EEF1D: variants seen among roughly 807,000 people sequenced by gnomAD.
EEF1D encodes the protein elongation factor 1-delta.
Under a neutral mutation model 63.9 loss-of-function variants are expected in EEF1D, and 47 were observed. The observed-to-expected ratio is 0.74, with a 90% confidence interval of 0.58 to 0.94. The LOEUF is 0.94. EEF1D is among the 40% of genes least tolerant of loss of function. The pLI is 0.00. For synonymous variants in EEF1D, 412 were observed against 386.1 expected (o/e 1.07, Z -0.79); for missense variants, 907 against 899.0 (o/e 1.01, Z -0.11).
At position 143,589,436 on chromosome 8, in the gene EEF1D, C is replaced by G. The variant is rs1334386550; in HGVS notation, c.646G>C (p.Val216Leu). 6.5e-7 allele frequency: 1 copy of G among 1,529,512 alleles called. No homozygotes were observed. Among genetic ancestry groups the G allele is most frequent in the South Asian group, 1.2e-5 (1 of 81,430 alleles). 94.7% of individuals were successfully genotyped at this position (1,529,512 alleles called of 1,614,324 possible). A position where few individuals can be genotyped will look rare whatever the true frequency, so the allele number is the denominator to read the frequency against. The change falls in exon 3 of 10, where the codon GTC becomes CTC. Residue 216 changes from valine (V) to leucine (L), a missense_variant. By Grantham distance (32) the Val-to-Leu change is conservative. Coordinates refer to ENST00000618139, the MANE Select transcript of EEF1D (RefSeq NM_001130053.5). ...CTGCCCAGCGGGGGCTGGCCATTGA[C>G]CGGTGGGCTGGGCTGGTGGGCCAGG... ...PDLAHQPSPP[V>L]NGQPPLGSLQ...
chr8:143,596,391 G>C (rs1245231797), intron 1 of EEF1D: 2 of 152,334 alleles, frequency 1.3e-5, no homozygotes, highest in Non-Finnish European at 2.9e-5. Context: ...TTCCACACCT[G>C]CCCAGCCCCT....
chr8:143,590,197 C>G (rs1182629004), intron 2 of EEF1D, 116 bp from the exon 3 acceptor site: 1 of 1,209,180 alleles, frequency 8.3e-7, no homozygotes, highest in Non-Finnish European at 1.1e-6. Flanking sequence ...CCTCCCTGGG[C>G]AGGGGCTGAG....
chr8:143,593,488 C>T (rs1276757055), intron 1 of EEF1D, among the ~76,000 whole-genome samples: 1 of 152,212 alleles, frequency 6.6e-6, no homozygotes, highest in Non-Finnish European at 1.5e-5. Context: ...AACCCGAGAG[C>T]CCTGGCTGGG....
At position 143,580,225 on chromosome 8, in the gene EEF1D, A is replaced by C. The variant is rs1299750708; in HGVS notation, c.1711-19T>G. On this transcript the variant is annotated intron_variant, in intron 8 of 9. Coordinates refer to ENST00000618139, the MANE Select transcript of EEF1D (RefSeq NM_001130053.5). ...CATCCCACTGTGGGGAAAGGGGAGGAAAAGCTGGGGTCAGCCACCCTCAGA... is the reference window on the plus strand; with the variant it reads ...CATCCCACTGTGGGGAAAGGGGAGGCAAAGCTGGGGTCAGCCACCCTCAGA... 6.2e-7 allele frequency: 1 copy of C among 1,608,544 alleles called. No individual in the cohort carries two copies. Among genetic ancestry groups the C allele is most frequent in the Non-Finnish European group, 8.5e-7 (1 of 1,176,724 alleles).
chr8:143,579,879 C>G, intron 9 of EEF1D, 49 bp from the exon 10 acceptor site: 1 of 1,537,720 alleles, frequency 6.5e-7, no homozygotes. Context: ...CTACAGCCCA[C>G]TCGGAGCCAG....
Position 143,589,751 on chromosome 8 carries a change from C to T in EEF1D, c.331G>A (p.Val111Met), listed in dbSNP as rs774793383. The change falls in exon 3 of 10, where the codon GTG (valine) becomes ATG (methionine). Residue 111 changes from valine to methionine, a missense_variant. Physicochemically the swap from Val to Met is conservative, Grantham distance 21. Transcript: ENST00000618139. The part of the protein sequence containing the change: ...LALLGLSAER[V>M]WLDKSLFDQA... Reference sequence around the variant, plus strand: ...TCGAAAAGTGACTTGTCCAGCCACACGCGTTCGGCCGAGAGGCCCAGGAGG... The same window carrying T: ...TCGAAAAGTGACTTGTCCAGCCACATGCGTTCGGCCGAGAGGCCCAGGAGG... The T allele has an allele frequency of 3.9e-6, 6 of 1,532,332 alleles. No homozygotes were observed. The highest frequency in any genetic ancestry group is 1.4e-5 in the African/African-American group (1 of 72,090). The allele number at this position is 1,532,332 out of a possible 1,614,324, so 94.9% of individuals were successfully genotyped here.
chr8:143,591,638 G>C (rs1269901185), intron 2 of EEF1D, among the ~76,000 whole-genome samples: 1 of 152,248 alleles, frequency 6.6e-6, no homozygotes, highest in Non-Finnish European at 1.5e-5. Flanking sequence ...TGCTGCCTCC[G>C]CAGGTGTGTC....
At position 143,589,299 on chromosome 8, in the gene EEF1D, C is replaced by A. The variant is rs1215086033; in HGVS notation, c.783G>T (p.Leu261=). ...CCTCGGCCAGGCCGGCTCGCTCTTG[C>A]AGGCGCACCTTCCCTGGGGGATGGC... ...FDGHPPGKVR[L]QERAGLAEGA... is the part of the protein sequence containing the mutation. Residue 261 remains leucine, a synonymous_variant, in exon 3 of 10, where the codon CTG becomes CTT. Transcript: ENST00000618139. 13 of 1,587,336 alleles carry A rather than the reference C, an allele frequency of 8.2e-6. No homozygotes were observed. Among genetic ancestry groups the A allele is most frequent in the Non-Finnish European group, 1.1e-5 (13 of 1,166,396 alleles).
Position 143,589,801 on chromosome 8 carries a change from C to T in EEF1D, c.281G>A (p.Ser94Asn), listed in dbSNP as rs1223633377. 7 of 1,596,622 alleles carry T rather than the reference C, an allele frequency of 4.4e-6. No homozygotes were observed. Residue 94 changes from serine (S) to asparagine (N), a missense_variant, in exon 3 of 10, where the codon AGC becomes AAC. Coordinates refer to ENST00000618139, the MANE Select transcript of EEF1D (RefSeq NM_001130053.5). ...LQKKRKRSPKSGLGPADLALL... is the reference protein window; with the variant it reads ...LQKKRKRSPKNGLGPADLALL... ...GGCCAGGTCCGCGGGGCCGAGCCCG[C>T]TCTTGGGGGAGCGCTTCCTCTTTTT... is the stretch of plus-strand genomic sequence containing the variant.
chr8:143,593,929 G>A (rs974547277), intron 1 of EEF1D: 29 of 985,278 alleles, frequency 2.9e-5, no homozygotes, highest in Non-Finnish European at 3.5e-5. Flanking sequence ...GAGCTTCAAA[G>A]CTTGCGCAGA....
chr8:143,581,198 A>T, intron 6 of EEF1D, 31 bp downstream of exon 6: 1 of 1,612,586 alleles, frequency 6.2e-7, no homozygotes, highest in South Asian at 1.1e-5. Context: ...GGGGCCAGGG[A>T]CAGCCCCAAC....
At chr8:143,581,412 G>A (rs1350772818) in intron 5 of EEF1D, 84 bp from the exon 6 acceptor site, 13 of 1,282,318 alleles carry the variant, frequency 1.0e-5, no homozygotes, top group African/African-American at 4.5e-5. Flanking sequence ...AGGAACTCAC[G>A]GAAGGAAAAC....
At chr8:143,586,894 G>A (rs1226261862) in intron 3 of EEF1D, 42 bp from the exon 4 acceptor site, 1 of 1,609,108 alleles carries the variant, frequency 6.2e-7, no homozygotes, top group South Asian at 1.1e-5. Flanking sequence ...CTGGGAAGTG[G>A]GCCTCGGCAT....
At chr8:143,587,163 C>T (rs774916966) in intron 3 of EEF1D, 80 of 218,094 alleles carry the variant, frequency 3.7e-4, no homozygotes, top group Middle Eastern at 1.6e-3. Context: ...AGCTGCCTCC[C>T]ACTAAGCCAG....
chr8:143,587,902 G>T (rs1377254074), intron 3 of EEF1D, among the ~76,000 whole-genome samples: 1 of 152,168 alleles, frequency 6.6e-6, no homozygotes, highest in Non-Finnish European at 1.5e-5. Context: ...GACTGGCCAA[G>T]ACCCTCTTAC....
chr8:143,586,982 C>A, intron 3 of EEF1D, 130 bp from the exon 4 acceptor site: 2 of 1,323,274 alleles, frequency 1.5e-6, no homozygotes, highest in Non-Finnish European at 2.1e-6. Flanking sequence ...CAAAGCGACA[C>A]CAAGCCCGTA....
chr8:143,587,846 G>A (rs1827005747), intron 3 of EEF1D, among the ~76,000 whole-genome samples: 1 of 152,198 alleles, frequency 6.6e-6, no homozygotes, highest in African/African-American at 2.4e-5. Flanking sequence ...TGTGGCCGGG[G>A]CCCAGACCCT....
In EEF1D at chr8:143,592,769, C is replaced by G. The variant is rs1587233340; in HGVS notation, c.-14-109G>C. ...GGGCGGCCGGGGGCCTTTCCAGAAG[C>G]TGCTTGGCGAGGTGGTGTGGAGGTG... On this transcript the variant is annotated intron_variant, in intron 1 of 9. Coordinates refer to ENST00000618139, the MANE Select transcript of EEF1D (RefSeq NM_001130053.5). The G allele has an allele frequency of 9.7e-6, 9 of 923,826 alleles. No individual in the cohort carries two copies. The East Asian group carries it at 9.4e-4, about 97-fold the overall frequency. The allele number at this position is 923,826 out of a possible 1,614,324, so 57.2% of individuals were successfully genotyped here.
In EEF1D at chr8:143,589,619, C is replaced by T. The variant is rs1282517913; in HGVS notation, c.463G>A (p.Ala155Thr). 6 of 1,534,498 alleles carry T rather than the reference C, an allele frequency of 3.9e-6. 1 individual carries two copies. Among genetic ancestry groups the T allele is most frequent in the South Asian group, 1.2e-5 (1 of 80,170 alleles). Residue 155 changes from alanine (A) to threonine (T), a missense_variant, in exon 3 of 10, where the codon GCC (alanine) becomes ACC (threonine). Coordinates refer to ENST00000618139, the MANE Select transcript of EEF1D (RefSeq NM_001130053.5). ...ATCCCCCAGGTCACGTGGTGGCAGG[C>T]CACCTGGTTTCCATGGGTGCAGAGA... ...WGLCTHGNQV[A>T]CHHVTWGIWV...
Sources: gnomAD v4.1 joint callset for allele counts (sites outside exome capture counted in the v4.1 genomes callset) on GRCh38, gnomAD v4.1.1 for gene constraint, MANE v1.5 for transcripts, NCBI Gene and HGNC (gene_info 2026-07-23, HGNC 2026-07-21) for gene names.